The following HLA-DMA variants were observed in gnomAD, a reference collection of about 807,000 sequenced individuals.
HLA-DMA encodes major histocompatibility complex, class II, DM alpha, also known as HLA class II histocompatibility antigen, DM alpha chain.
HLA-DMA carries 20 observed loss-of-function variants against 27.3 expected under a neutral mutation model. That is an observed-to-expected ratio of 0.73 (90% CI 0.52 to 1.07). The LOEUF is 1.07. Ranked by LOEUF, HLA-DMA falls within the 50% of genes least tolerant of loss-of-function variation. HLA-DMA has a pLI of 0.00. For missense variants in HLA-DMA, 241 were observed against 321.7 expected (o/e 0.75, Z 1.92); for synonymous variants, 111 against 126.8 (o/e 0.88, Z 0.83).
chr6:32,949,316 C>A lies in HLA-DMA; in HGVS notation c.736G>T (p.Val246Leu). Residue 246 changes from valine to leucine, a missense_variant, in exon 4 of 5, where the codon GTG (valine) becomes TTG (leucine). Val to Leu is a conservative substitution (Grantham distance 32). Transcript: ENST00000374843. This position sits in a 1 kb window ranked among gnomAD's most constrained non-coding sequence, Gnocchi z 5.8. ...AFGLGVLGII[V>L]GIVLIIYFRK... ...AAGTAGATGATGAGAACAATGCCCACGATGATGCCCAGCACACCCAGGCCA... is the reference window on the plus strand; with the variant it reads ...AAGTAGATGATGAGAACAATGCCCAAGATGATGCCCAGCACACCCAGGCCA... The A allele has an allele frequency of 6.2e-7, 1 of 1,614,180 alleles. No individual in the cohort carries two copies.
intron 1 of HLA-DMA, chr6:32,952,235 A>C (rs1296148026): frequency 2.2e-6 from 1 of 444,628 alleles, no homozygotes; most frequent in East Asian, 7.0e-5. Flanking sequence ...CAAGCCATAG[A>C]TGGGACTGCC....
Position 32,949,894 on chromosome 6 carries a change from T to A in HLA-DMA, c.374-5A>T. ...ACACTTCAGCGATAGGAAACCCTGG[T>A]GGGGGGATTGAAGTGTAGGGGGAAA... On this transcript the variant is annotated splice_region_variant and splice_polypyrimidine_tract_variant and intron_variant, in intron 2 of 4. Transcript: ENST00000374843. This position sits in a 1 kb window ranked among gnomAD's most constrained non-coding sequence, Gnocchi z 5.8. 1 of 1,611,092 alleles carries A rather than the reference T, an allele frequency of 6.2e-7. No homozygotes were observed. Among genetic ancestry groups the A allele is most frequent in the Non-Finnish European group, 8.5e-7 (1 of 1,178,906 alleles).
rs765462139 is a variant in HLA-DMA at position 32,952,899 on chromosome 6, G to A, written c.88+50C>T. On this transcript the variant is annotated intron_variant, in intron 1 of 4. Transcript: ENST00000374843. ...GCACAGCGCTTTTCCTCACAAAGCT[G>A]AGTGGGCTCCCTAGGTTCAGGATGG... 1.1e-5 allele frequency: 16 copies of A among 1,419,588 alleles called. No homozygotes were observed. In the East Asian group the frequency reaches 3.6e-4, roughly 32 times the overall value. The allele number at this position is 1,419,588 out of a possible 1,614,324, so 87.9% of individuals were successfully genotyped here. A position where few individuals can be genotyped will look rare whatever the true frequency, so the allele number is the denominator to read the frequency against.
rs1008527415 is a variant in HLA-DMA at position 32,949,841 on chromosome 6, T to C, written c.422A>G (p.Lys141Arg). The change falls in exon 3 of 5, where the codon AAG (lysine) becomes AGG (arginine). Residue 141 changes from lysine to arginine, a missense_variant. Lys to Arg is a conservative substitution (Grantham distance 26). Transcript: ENST00000374843. This position sits in a 1 kb window ranked among gnomAD's most constrained non-coding sequence, Gnocchi z 5.8. ...GACAAAACAGACCAAAGTGTTGGGCTTGCCAAACTCCAGGGGCTTCAGCGT... is the reference window on the plus strand; with the variant it reads ...GACAAAACAGACCAAAGTGTTGGGCCTGCCAAACTCCAGGGGCTTCAGCGT... ...VFTLKPLEFG[K>R]PNTLVCFVSN... 1.2e-6 allele frequency: 2 copies of C among 1,613,054 alleles called. 1 individual carries two copies.
chr6:32,950,485 C>A lies in HLA-DMA; in HGVS notation c.373+34G>T. ...GTACAGATCAATGAGGTTAATGCAG[C>A]CCTCCTCCCTTCACTCCCCAGAAAA... On this transcript the variant is annotated intron_variant, in intron 2 of 4. Coordinates refer to ENST00000374843, the MANE Select transcript of HLA-DMA (RefSeq NM_006120.4). This position sits in a 1 kb window ranked among gnomAD's most constrained non-coding sequence, Gnocchi z 5.0. 2 of 1,609,088 alleles carry A rather than the reference C, an allele frequency of 1.2e-6. No homozygotes were observed. Among genetic ancestry groups the A allele is most frequent in the East Asian group, 2.2e-5 (1 of 44,854 alleles).
At position 32,949,564 on chromosome 6, in the gene HLA-DMA, C is replaced by A; in HGVS notation, c.652+47G>T. ...AAGAAGCCTCCTCCCATGGATCTAT[C>A]CCTTTTTGCCCCCAAAAGGACCAGA... On this transcript the variant is annotated intron_variant, in intron 3 of 4. Coordinates refer to ENST00000374843, the MANE Select transcript of HLA-DMA (RefSeq NM_006120.4). The surrounding 1 kb of genome is among the most constrained non-coding windows in gnomAD (Gnocchi z 5.8). 6.2e-7 allele frequency: 1 copy of A among 1,608,508 alleles called. No individual in the cohort carries two copies. The highest frequency in any genetic ancestry group is 8.5e-7 in the Non-Finnish European group (1 of 1,175,976).
In HLA-DMA at chr6:32,949,961, A is replaced by AT; in HGVS notation, c.374-73dup. On this transcript the variant is annotated intron_variant, in intron 2 of 4. Coordinates refer to ENST00000374843, the MANE Select transcript of HLA-DMA (RefSeq NM_006120.4). This position sits in a 1 kb window ranked among gnomAD's most constrained non-coding sequence, Gnocchi z 5.8. ...TGGTATCTCTGTGTTTGGAGGGGCC[A>AT]TGGCATATGGAGGGGAGGGCAGAGA... 6.8e-7 allele frequency: 1 copy of AT among 1,471,580 alleles called. No homozygotes were observed. Among genetic ancestry groups the AT allele is most frequent in the Admixed American group, 1.8e-5 (1 of 56,684 alleles). The allele number at this position is 1,471,580 out of a possible 1,614,324, so 91.2% of individuals were successfully genotyped here. A position where few individuals can be genotyped will look rare whatever the true frequency, so the allele number is the denominator to read the frequency against.
At position 32,948,716 on chromosome 6, in the gene HLA-DMA, G is replaced by T. The variant is rs1225990223; in HGVS notation, c.*148C>A. 2.2e-6 allele frequency: 2 copies of T among 913,556 alleles called. No individual in the cohort carries two copies. Among genetic ancestry groups the T allele is most frequent in the Non-Finnish European group, 3.6e-6 (2 of 560,408 alleles). The allele number at this position is 913,556 out of a possible 1,614,324, so 56.6% of individuals were successfully genotyped here. On this transcript the variant is annotated 3_prime_UTR_variant, in exon 5 of 5. Transcript: ENST00000374843. ...GGGATGCAAGCCCAGGGACAGCAGA[G>T]TCCCCAGGTGGGAAATCTACACACA...
In HLA-DMA at chr6:32,948,925, TCTC is replaced by T. The variant is rs967359482; in HGVS notation, c.782-60_782-58del. 439 of 1,573,330 alleles carry T rather than the reference TCTC, an allele frequency of 2.8e-4. 1 individual carries two copies. The highest frequency in any genetic ancestry group is 3.9e-4 in the Admixed American group (23 of 58,254). On this transcript the variant is annotated intron_variant, in intron 4 of 4. Coordinates refer to ENST00000374843, the MANE Select transcript of HLA-DMA (RefSeq NM_006120.4). Reference sequence around the variant, plus strand: ...TCAGGGGATCCATCCTCCTCCTCCTTCTCCTCCTCCTCCTCCCCCACAAAGGCC... The same window carrying T: ...TCAGGGGATCCATCCTCCTCCTCCTTCTCCTCCTCCTCCCCCACAAAGGCC...
chr6:32,952,268 T>G (rs888248676), intron 1 of HLA-DMA: 4 of 467,266 alleles, frequency 8.6e-6, no homozygotes, highest in Non-Finnish European at 1.8e-5. Context: ...CAGACACAAA[T>G]GGTAAATTGG....
intron 1 of HLA-DMA, chr6:32,952,210 T>C: frequency 9.8e-6 from 4 of 407,532 alleles, no homozygotes; most frequent in Non-Finnish European, 1.5e-5. Context: ...AGAGGAGGAA[T>C]GGCTACAGCC....
chr6:32,952,590 A>C (rs1370077716), intron 1 of HLA-DMA: 1 of 429,142 alleles, frequency 2.3e-6, no homozygotes, highest in Non-Finnish European at 4.5e-6. Flanking sequence ...AGATAAGTTA[A>C]TGATAGAAAG....
At position 32,948,632 on chromosome 6, in the gene HLA-DMA, T is replaced by G. The variant is rs1474955432; in HGVS notation, c.*232A>C. Reference sequence around the variant, plus strand: ...CCACACTGATATAAAGAAATGAGATTTATTGCCTTGTGGGGGGAAGGGATG... The same window carrying G: ...CCACACTGATATAAAGAAATGAGATGTATTGCCTTGTGGGGGGAAGGGATG... On this transcript the variant is annotated 3_prime_UTR_variant, in exon 5 of 5. Transcript: ENST00000374843. 2 of 600,918 alleles carry G rather than the reference T, an allele frequency of 3.3e-6. No homozygotes were observed. The highest frequency in any genetic ancestry group is 5.9e-6 in the Non-Finnish European group (2 of 336,958). 37.2% of individuals were successfully genotyped at this position (600,918 alleles called of 1,614,324 possible). A position where few individuals can be genotyped will look rare whatever the true frequency, so the allele number is the denominator to read the frequency against.
Position 32,950,955 on chromosome 6 carries a change from G to A in HLA-DMA, c.89-152C>T, listed in dbSNP as rs921234319. ...GTGGATCATGAGGTCAGGAGTTTGA[G>A]ACCAGCCTGGCCAGCATGGTGAAAC... is the stretch of plus-strand genomic sequence containing the variant. On this transcript the variant is annotated intron_variant, in intron 1 of 4. Transcript: ENST00000374843. This position sits in a 1 kb window ranked among gnomAD's most constrained non-coding sequence, Gnocchi z 5.0. The A allele has an allele frequency of 2.3e-5, 16 of 687,088 alleles. No homozygotes were observed. Among genetic ancestry groups the A allele is most frequent in the Non-Finnish European group, 3.9e-5 (16 of 413,044 alleles). 42.6% of individuals were successfully genotyped at this position (687,088 alleles called of 1,614,324 possible).
chr6:32,951,636 A>ATATATATAAAGG (rs1776904171), intron 1 of HLA-DMA, among the ~76,000 whole-genome samples: 1 of 151,390 alleles, frequency 6.6e-6, no homozygotes. Flanking sequence ...CTCAAAAAAT[A>ATATATATAAAGG]TATATATAAA....
Position 32,950,855 on chromosome 6 carries a change from C to T in HLA-DMA, c.89-52G>A. On this transcript the variant is annotated intron_variant, in intron 1 of 4. Coordinates refer to ENST00000374843, the MANE Select transcript of HLA-DMA (RefSeq NM_006120.4). This position sits in a 1 kb window ranked among gnomAD's most constrained non-coding sequence, Gnocchi z 5.0. ...GGGAGGTGGGAGCCTTCTCCTCCAA[C>T]TTAAAAAACAGCAAGGTGGGGCTAG... 1 of 1,570,194 alleles carries T rather than the reference C, an allele frequency of 6.4e-7. No individual in the cohort carries two copies. Among genetic ancestry groups the T allele is most frequent in the Non-Finnish European group, 8.7e-7 (1 of 1,152,816 alleles).
In HLA-DMA at chr6:32,949,209, T is replaced by C. The variant is rs1327777328; in HGVS notation, c.781+62A>G. ...CATGCCACAAAATAATCCTGACACATGCACGCATGCACCACTGTATCTGGC... is the reference window on the plus strand; with the variant it reads ...CATGCCACAAAATAATCCTGACACACGCACGCATGCACCACTGTATCTGGC... On this transcript the variant is annotated intron_variant, in intron 4 of 4. Coordinates refer to ENST00000374843, the MANE Select transcript of HLA-DMA (RefSeq NM_006120.4). This position sits in a 1 kb window ranked among gnomAD's most constrained non-coding sequence, Gnocchi z 5.8. 39 of 1,606,448 alleles carry C rather than the reference T, an allele frequency of 2.4e-5. No individual in the cohort carries two copies. Among genetic ancestry groups the C allele is most frequent in the African/African-American group, 4.0e-5 (3 of 74,750 alleles).
At chr6:32,948,915 T>G in intron 4 of HLA-DMA, 47 bp from the exon 5 acceptor site, 1 of 1,597,596 alleles carries the variant, frequency 6.3e-7, no homozygotes, top group Non-Finnish European at 8.5e-7. Context: ...GGATCCATCC[T>G]CCTCCTCCTT....
rs1204871441 is a variant in HLA-DMA at position 32,950,701 on chromosome 6, T to C, written c.191A>G (p.Asp64Gly). 1 of 1,613,046 alleles carries C rather than the reference T, an allele frequency of 6.2e-7. No homozygotes were observed. The highest frequency in any genetic ancestry group is 8.5e-7 in the Non-Finnish European group (1 of 1,180,026). ...GTCGAAGAAGAAAAGCTGGTCCTCG[T>C]CGTAGGCCTCAGAGAGTCCCACACT... ...SPSVGLSEAY[D>G]EDQLFFFDFS... is the part of the protein sequence containing the mutation. The change falls in exon 2 of 5, where the codon GAC (aspartate) becomes GGC (glycine). Residue 64 changes from aspartate to glycine, a missense_variant. Physicochemically the swap from Asp to Gly is moderately conservative, Grantham distance 94. Coordinates refer to ENST00000374843, the MANE Select transcript of HLA-DMA (RefSeq NM_006120.4). The surrounding 1 kb of genome is among the most constrained non-coding windows in gnomAD (Gnocchi z 5.0).
Sources: gnomAD v4.1 joint callset for allele counts (sites outside exome capture counted in the v4.1 genomes callset) on GRCh38, gnomAD v4.1.1 for gene constraint, Gnocchi (gnomAD v3.1) non-coding constraint, MANE v1.5 for transcripts, NCBI Gene and HGNC (gene_info 2026-07-23, HGNC 2026-07-21) for gene names.